The following DMD variants were observed in gnomAD, a reference collection of about 807,000 sequenced individuals.
DMD encodes dystrophin, also known as mutant dystrophin.
A neutral mutation model predicts 330.1 loss-of-function variants in DMD; 63 were observed. The ratio of observed to expected loss-of-function variants is 0.19; its 90% confidence interval spans 0.16 to 0.24. The LOEUF (loss-of-function observed/expected upper bound fraction) is 0.24, where lower values mean the gene tolerates loss of function less well. Ranked by LOEUF, DMD falls within the 10% of genes least tolerant of loss-of-function variation. The probability of loss-of-function intolerance (pLI) is 1.00; values close to 1 mark genes in which losing one functional copy is unlikely to be tolerated. For missense variants in DMD, 3,344 were observed against 2,684.1 expected (o/e 1.25, Z -5.43); for synonymous variants, 1,223 against 959.8 (o/e 1.27, Z -5.07).
intron 50 of DMD, among the ~76,000 whole-genome samples, chrX:31,779,374 C>T (rs906573159): frequency 6.3e-5 from 7 of 111,387 alleles, no homozygotes; most frequent in African/African-American, 2.0e-4. Context: ...GCATTCACCC[C>T]GTTTCTTATG....
chrX:31,666,202 C>G (rs1056892160), intron 53 of DMD, among the ~76,000 whole-genome samples: 1 of 111,530 alleles, frequency 9.0e-6, no homozygotes, highest in Admixed American at 9.5e-5. Context: ...CATTATTGTT[C>G]TCAAATATCC....
At chrX:31,246,040 G>A (rs968998095) in intron 63 of DMD, among the ~76,000 whole-genome samples, 2 of 112,244 alleles carry the variant, frequency 1.8e-5, no homozygotes, top group Non-Finnish European at 3.8e-5. Flanking sequence ...AAACAGTCAA[G>A]TTGTGAATGC....
intron 55 of DMD, among the ~76,000 whole-genome samples, chrX:31,541,823 T>A (rs1442843045): frequency 2.7e-5 from 3 of 111,286 alleles, no homozygotes; most frequent in Admixed American, 9.6e-5. Flanking sequence ...ACCAAATATT[T>A]TCAATGAAAA....
chrX:31,898,832 G>A (rs889216939), intron 47 of DMD, among the ~76,000 whole-genome samples: 2 of 111,846 alleles, frequency 1.8e-5, no homozygotes, highest in Admixed American at 9.5e-5. Context: ...GAAGAATAGC[G>A]AATAACAGGG....
intron 43 of DMD, among the ~76,000 whole-genome samples, chrX:32,272,494 G>A (rs2097368883): frequency 8.9e-6 from 1 of 111,998 alleles, no homozygotes; most frequent in Non-Finnish European, 1.9e-5. Flanking sequence ...TATTTGTGTT[G>A]TTTCTACTGA....
chrX:31,861,433 C>T (rs2093695696), intron 48 of DMD, among the ~76,000 whole-genome samples: 2 of 110,006 alleles, frequency 1.8e-5, no homozygotes, highest in Non-Finnish European at 3.8e-5. Flanking sequence ...GAATTTATCA[C>T]ATAGATATAT....
At chrX:32,521,997 C>T (rs1397544867) in intron 17 of DMD, among the ~76,000 whole-genome samples, 1 of 111,646 alleles carries the variant, frequency 9.0e-6, no homozygotes, top group African/African-American at 3.3e-5. Context: ...ACCAGGAAGC[C>T]TGCCCTTAAA....
At chrX:31,842,760 T>C (rs1372439822) in intron 48 of DMD, among the ~76,000 whole-genome samples, 1 of 111,712 alleles carries the variant, frequency 9.0e-6, no homozygotes, top group Non-Finnish European at 1.9e-5. Context: ...ATGTGCAGGT[T>C]TGTTACATTT....
chrX:32,487,046 C>T (rs1240465419), intron 20 of DMD, among the ~76,000 whole-genome samples: 1 of 110,775 alleles, frequency 9.0e-6, no homozygotes, highest in East Asian at 2.8e-4. Flanking sequence ...AAGAAACTAC[C>T]ATCAGAGTGA....
intron 44 of DMD, among the ~76,000 whole-genome samples, chrX:32,188,934 T>C (rs866653744): frequency 9.0e-6 from 1 of 110,788 alleles, no homozygotes; most frequent in South Asian, 3.8e-4. Flanking sequence ...TAGTCAATTT[T>C]TGCTTTTTCT....
intron 63 of DMD, among the ~76,000 whole-genome samples, chrX:31,243,564 G>T (rs2048556157): frequency 8.9e-6 from 1 of 112,385 alleles, no homozygotes; most frequent in African/African-American, 3.2e-5. Context: ...ACACCCAGCA[G>T]ATATTTAAAA....
At chrX:31,288,842 G>T (rs7051158) in intron 62 of DMD, among the ~76,000 whole-genome samples, 34,601 of 110,970 alleles carry the variant, frequency 0.31, 4,958 homozygotes, top group African/African-American at 0.55. Context: ...GCTGCTCTCA[G>T]TCATTCAATT....
intron 42 of DMD, among the ~76,000 whole-genome samples, chrX:32,305,585 T>G (rs2097537516): frequency 9.0e-6 from 1 of 111,531 alleles, no homozygotes; most frequent in Non-Finnish European, 1.9e-5. Flanking sequence ...GCATCTCTTT[T>G]TCAACTCTTG....
chrX:32,166,231 G>A (rs1356671159), intron 44 of DMD, among the ~76,000 whole-genome samples: 2 of 110,725 alleles, frequency 1.8e-5, no homozygotes, highest in Admixed American at 1.9e-4. Flanking sequence ...GATGTGGGTG[G>A]ACTGCTTGAG....
intron 44 of DMD, among the ~76,000 whole-genome samples, chrX:31,999,705 C>G (rs1365622443): frequency 8.9e-6 from 1 of 111,875 alleles, no homozygotes; most frequent in Non-Finnish European, 1.9e-5. Flanking sequence ...AAGTTACTTA[C>G]TGAATTCCAG....
chrX:32,311,459 C>T (rs2097562144), intron 41 of DMD, among the ~76,000 whole-genome samples: 5 of 111,405 alleles, frequency 4.5e-5, no homozygotes. Context: ...GATTTTCATA[C>T]TCAATTCTTA....
intron 7 of DMD, among the ~76,000 whole-genome samples, chrX:32,730,235 A>G (rs1423045384): frequency 8.9e-6 from 1 of 112,124 alleles, no homozygotes; most frequent in Admixed American, 9.4e-5. Flanking sequence ...AATTCTAGTT[A>G]CTCAGGAGGC....
intron 42 of DMD, among the ~76,000 whole-genome samples, chrX:32,288,408 C>T (rs1465188117): frequency 9.0e-6 from 1 of 111,679 alleles, no homozygotes; most frequent in African/African-American, 3.3e-5. Context: ...TTTGGCTTGA[C>T]TTTCAGGACA....
At chrX:32,266,200 TA>T (rs1169618519) in intron 43 of DMD, among the ~76,000 whole-genome samples, 3 of 111,464 alleles carry the variant, frequency 2.7e-5, no homozygotes, top group Non-Finnish European at 5.7e-5. Flanking sequence ...CCAATGGTTT[TA>T]TAAGGGGCTT....
Sources: gnomAD v4.1 joint callset for allele counts (sites outside exome capture counted in the v4.1 genomes callset) on GRCh38, gnomAD v4.1.1 for gene constraint, MANE v1.5 for transcripts, NCBI Gene and HGNC (gene_info 2026-07-23, HGNC 2026-07-21) for gene names.